AFF3: variants seen among roughly 807,000 people sequenced by gnomAD.
AFF3 encodes the protein ALF transcription elongation factor 3.
A neutral mutation model predicts 129.7 loss-of-function variants in AFF3; 32 were observed. The ratio of observed to expected loss-of-function variants is 0.25; its 90% CI spans 0.19 to 0.33. AFF3 has a LOEUF of 0.33. AFF3 is among the 10% of genes least tolerant of loss of function. The pLI, the probability that AFF3 is intolerant of heterozygous loss-of-function variation, is 1.00. For missense variants in AFF3, 1,373 were observed against 1,592.0 expected (o/e 0.86, Z 2.34); for synonymous variants, 644 against 635.4 (o/e 1.01, Z -0.20).
chr2:99,855,796 A>G (rs1690482404), intron 7 of AFF3, among the ~76,000 whole-genome samples: 1 of 152,194 alleles, frequency 6.6e-6, no homozygotes, highest in Admixed American at 6.6e-5. Flanking sequence ...GAAGGAGGGA[A>G]AAAGGATAAT....
intron 7 of AFF3, among the ~76,000 whole-genome samples, chr2:99,890,269 G>A (rs1267815519): frequency 6.6e-6 from 1 of 152,132 alleles, no homozygotes; most frequent in Non-Finnish European, 1.5e-5. Flanking sequence ...GACAGGTGAA[G>A]GGTTTTGATT....
chr2:99,965,587 A>G (rs371614407), intron 7 of AFF3, among the ~76,000 whole-genome samples: 1 of 152,226 alleles, frequency 6.6e-6, no homozygotes, highest in African/African-American at 2.4e-5. Context: ...TCACAATCCT[A>G]TATTCTTTCC....
chr2:99,607,982 T>A (rs1680542100), intron 13 of AFF3, among the ~76,000 whole-genome samples: 1 of 152,232 alleles, frequency 6.6e-6, no homozygotes, highest in Non-Finnish European at 1.5e-5. Flanking sequence ...AAAACCCAAC[T>A]GGCAGGACTG....
chr2:100,001,433 T>C (rs888810360), intron 7 of AFF3, among the ~76,000 whole-genome samples: 5 of 152,162 alleles, frequency 3.3e-5, no homozygotes, highest in African/African-American at 1.2e-4. Flanking sequence ...TGTTTTTTGG[T>C]TTTTGGTTTT....
chr2:99,835,435 T>G (rs377195064), intron 8 of AFF3, among the ~76,000 whole-genome samples: 2 of 152,126 alleles, frequency 1.3e-5, no homozygotes, highest in East Asian at 3.9e-4. Context: ...GGTGCTTGCG[T>G]TTGGAGGTGA....
intron 11 of AFF3, among the ~76,000 whole-genome samples, chr2:99,701,355 G>A (rs970213518): frequency 3.3e-5 from 5 of 152,214 alleles, no homozygotes; most frequent in African/African-American, 1.2e-4. Flanking sequence ...CCTGCTAGAG[G>A]CCTGAAGTCA....
chr2:100,059,244 ACT>A (rs1276907846), intron 4 of AFF3, among the ~76,000 whole-genome samples: 1 of 108,290 alleles, frequency 9.2e-6, no homozygotes, highest in African/African-American at 4.0e-5. Context: ...CAGAAGTGAG[ACT>A]CTGTCTCCAA....
At chr2:99,926,527 T>C (rs1373467828) in intron 7 of AFF3, among the ~76,000 whole-genome samples, 1 of 152,160 alleles carries the variant, frequency 6.6e-6, no homozygotes, top group African/African-American at 2.4e-5. Context: ...TACATACATA[T>C]AGGACCGGGT....
intron 8 of AFF3, among the ~76,000 whole-genome samples, chr2:99,788,570 A>G (rs1469894103): frequency 1.3e-5 from 2 of 152,282 alleles, no homozygotes; most frequent in Non-Finnish European, 2.9e-5. Flanking sequence ...TGTTATTACA[A>G]AAGAGTCAAA....
In AFF3 at chr2:99,815,705, G is replaced by GT. The variant is rs112496330; in HGVS notation, c.921+21771dup. 7.2e-3 allele frequency among the ~76,000 whole-genome samples: 1,017 copies of GT among 141,902 alleles called. 6 individuals carry two copies. Among genetic ancestry groups the GT allele is most frequent in the African/African-American group, 0.017 (668 of 38,976 alleles). 93.1% of individuals were successfully genotyped at this position (141,902 alleles called of 152,430 possible). A position where few individuals can be genotyped will look rare whatever the true frequency, so the allele number is the denominator to read the frequency against. On this transcript the variant is annotated intron_variant, in intron 8 of 24. Transcript: ENST00000672756. Reference sequence around the variant, plus strand: ...CTGTGCATAGAATTCTGGGTTGAGAGTTTTTTTTTTTTTTCCTCTTTCAGC... The same window carrying GT: ...CTGTGCATAGAATTCTGGGTTGAGAGTTTTTTTTTTTTTTTCCTCTTTCAGC...
At chr2:99,585,038 T>C (rs781535313) in intron 16 of AFF3, among the ~76,000 whole-genome samples, 31 of 152,224 alleles carry the variant, frequency 2.0e-4, no homozygotes, top group Non-Finnish European at 4.3e-4. Flanking sequence ...TCTAACAACA[T>C]AGAGGCTGTG....
chr2:100,016,170 G>A (rs1301541691), intron 4 of AFF3, among the ~76,000 whole-genome samples: 1 of 151,520 alleles, frequency 6.6e-6, no homozygotes, highest in African/African-American at 2.4e-5. Flanking sequence ...TGGTGGTGGT[G>A]GTAGTTGTGG....
chr2:100,056,914 T>G (rs1238935082), intron 4 of AFF3, among the ~76,000 whole-genome samples: 1 of 151,964 alleles, frequency 6.6e-6, no homozygotes, highest in Non-Finnish European at 1.5e-5. Flanking sequence ...TCTGGTTTTT[T>G]GAACAGCTGG....
chr2:99,738,858 C>T (rs188445503), intron 10 of AFF3, among the ~76,000 whole-genome samples: 7 of 152,128 alleles, frequency 4.6e-5, no homozygotes, highest in Admixed American at 4.6e-4. Context: ...AAGCACTGTA[C>T]TTTAGGTGTA....
chr2:99,913,443 G>A (rs1189334634), intron 7 of AFF3, among the ~76,000 whole-genome samples: 1 of 152,200 alleles, frequency 6.6e-6, no homozygotes, highest in East Asian at 1.9e-4. Flanking sequence ...GTTTCTATTA[G>A]ATAGATTGGT....
At chr2:99,821,434 A>G (rs1687672417) in intron 8 of AFF3, among the ~76,000 whole-genome samples, 1 of 152,082 alleles carries the variant, frequency 6.6e-6, no homozygotes, top group South Asian at 2.1e-4. Flanking sequence ...TGGGTCACAT[A>G]TAAAATACAC....
chr2:99,567,929 A>G (rs1368359096), intron 19 of AFF3, among the ~76,000 whole-genome samples: 3 of 152,218 alleles, frequency 2.0e-5, no homozygotes, highest in Non-Finnish European at 4.4e-5. Flanking sequence ...AGAACTGTCC[A>G]TCAGACTCAG....
Position 100,104,395 on chromosome 2 carries a change from G to T in AFF3, c.53+7C>A. The T allele has an allele frequency of 8.2e-6, 10 of 1,214,186 alleles. No homozygotes were observed. The highest frequency in any genetic ancestry group is 1.1e-5 in the Non-Finnish European group (10 of 947,250). The allele number at this position is 1,214,186 out of a possible 1,614,324, so 75.2% of individuals were successfully genotyped here. A position where few individuals can be genotyped will look rare whatever the true frequency, so the allele number is the denominator to read the frequency against. ...GCCCGCCCGAAGCGGCCGGCACGGG[G>T]ACTTACCACAGTGACTCGAGGTCCC... On this transcript the variant is annotated splice_region_variant and intron_variant, in intron 4 of 24. Coordinates refer to ENST00000672756, the MANE Select transcript of AFF3 (RefSeq NM_001386135.1).
chr2:99,638,078 A>AT (rs11401722), intron 13 of AFF3, among the ~76,000 whole-genome samples: 70,638 of 147,524 alleles, frequency 0.48, 16,793 homozygotes, highest in East Asian at 0.66. Flanking sequence ...CAGAACCAGT[A>AT]TTTTTTTTTT....
Sources: gnomAD v4.1 joint callset for allele counts (sites outside exome capture counted in the v4.1 genomes callset) on GRCh38, gnomAD v4.1.1 for gene constraint, MANE v1.5 for transcripts, NCBI Gene and HGNC (gene_info 2026-07-23, HGNC 2026-07-21) for gene names.